The following DENND1A variants were observed in gnomAD, a reference collection of about 807,000 sequenced individuals.
DENND1A encodes DENN domain containing 1A.
Under a neutral mutation model 113.7 loss-of-function variants are expected in DENND1A, and 51 were observed. That is an observed-to-expected ratio of 0.45 (90% CI 0.36 to 0.57). The LOEUF (loss-of-function observed/expected upper bound fraction) is 0.57, where lower values mean the gene tolerates loss of function less well. Ranked by LOEUF, DENND1A falls within the 20% of genes least tolerant of loss-of-function variation. DENND1A has a pLI of 0.00. For synonymous variants in DENND1A, 565 were observed against 570.8 expected, an observed-to-expected ratio of 0.99 and a Z score of 0.14; for missense variants, 1,258 against 1,395.9, an observed-to-expected ratio of 0.90 and a Z score of 1.57.
chr9:123,874,992 GT>G (rs1847234569), intron 2 of DENND1A, among the ~76,000 whole-genome samples: 1 of 152,172 alleles, frequency 6.6e-6, no homozygotes, highest in Admixed American at 6.5e-5. Flanking sequence ...AACTTCAAAG[GT>G]CAACAGTAGA....
chr9:123,681,490 G>A (rs1451690627), intron 5 of DENND1A, among the ~76,000 whole-genome samples: 1 of 152,106 alleles, frequency 6.6e-6, no homozygotes, highest in Non-Finnish European at 1.5e-5. Context: ...GAAGGGGGCT[G>A]CAGCAGAGGG....
chr9:123,758,259 A>G (rs988591031), intron 4 of DENND1A, among the ~76,000 whole-genome samples: 1 of 152,236 alleles, frequency 6.6e-6, no homozygotes, highest in African/African-American at 2.4e-5. Context: ...GCTGCTAACA[A>G]TCCTCACCTG....
At chr9:123,923,691 C>T (rs1331747937) in intron 1 of DENND1A, among the ~76,000 whole-genome samples, 3 of 152,156 alleles carry the variant, frequency 2.0e-5, no homozygotes, top group African/African-American at 7.2e-5. Context: ...ACTTGTCTTC[C>T]TTTGGTAATC....
chr9:123,381,905 C>G lies in DENND1A; in HGVS notation c.2740G>C (p.Gly914Arg), dbSNP rs768095751. 5 of 441,120 alleles carry G rather than the reference C, an allele frequency of 1.1e-5. No homozygotes were observed. The highest frequency in any genetic ancestry group is 8.3e-5 in the Admixed American group (1 of 12,098). The allele number at this position is 441,120 out of a possible 1,614,324, so 27.3% of individuals were successfully genotyped here. The part of the protein sequence containing the change: ...PTLPLVSTPA[G>R]PFGAPPASLG... ...GAAGCTGGAGGGGCCCCGAAAGGCC[C>G]GGCTGGTGTGGAGACCAGGGGCAGG... Residue 914 changes from glycine (G) to arginine (R), a missense_variant, in exon 24 of 24, where the codon GGG (glycine) becomes CGG (arginine). By Grantham distance (125) the Gly-to-Arg change is moderately radical (BLOSUM62 -2). Transcript: ENST00000394215. The surrounding 1 kb of genome is among the most constrained non-coding windows in gnomAD (Gnocchi z 4.7).
intron 12 of DENND1A, among the ~76,000 whole-genome samples, chr9:123,578,112 C>A (rs1352086339): frequency 6.6e-6 from 1 of 152,216 alleles, no homozygotes; most frequent in Non-Finnish European, 1.5e-5. Context: ...AGCTCTTCAG[C>A]TGAGTAGCTC....
chr9:123,616,173 A>G (rs1227612080), intron 10 of DENND1A, among the ~76,000 whole-genome samples: 1 of 152,136 alleles, frequency 6.6e-6, no homozygotes, highest in South Asian at 2.1e-4. Flanking sequence ...CAGGTGATCC[A>G]CCTGCCTCGG....
chr9:123,403,521 A>G, intron 20 of DENND1A, 31 bp from the exon 21 acceptor site: 2 of 1,600,740 alleles, frequency 1.2e-6, no homozygotes, highest in Non-Finnish European at 1.7e-6. Context: ...GAGCCCCAAG[A>G]AGGAGTGAGT....
intron 1 of DENND1A, among the ~76,000 whole-genome samples, chr9:123,929,407 TGGCCAC>T (rs1384794103): frequency 1.3e-5 from 2 of 152,132 alleles, no homozygotes; most frequent in Non-Finnish European, 2.9e-5. Context: ...ACACCTTAGG[TGGCCAC>T]ACCATGAGCG....
chr9:123,495,103 T>A (rs2051749241), intron 13 of DENND1A, among the ~76,000 whole-genome samples: 2 of 148,070 alleles, frequency 1.4e-5, no homozygotes, highest in Non-Finnish European at 3.0e-5. Flanking sequence ...TTTGTACTTC[T>A]CTTGTATGTC....
chr9:123,877,011 T>C (rs772071731), intron 2 of DENND1A, among the ~76,000 whole-genome samples: 20 of 152,040 alleles, frequency 1.3e-4, no homozygotes, highest in Non-Finnish European at 2.4e-4. Context: ...CACGTGGTCA[T>C]AGAGTGTGGA....
At chr9:123,611,091 A>C (rs1439452144) in intron 10 of DENND1A, among the ~76,000 whole-genome samples, 1 of 152,238 alleles carries the variant, frequency 6.6e-6, no homozygotes, top group Non-Finnish European at 1.5e-5. Context: ...CAGTTTGCTA[A>C]CTATTCTAGA....
intron 13 of DENND1A, among the ~76,000 whole-genome samples, chr9:123,479,508 T>C (rs1037698716): frequency 1.3e-5 from 2 of 152,240 alleles, no homozygotes; most frequent in African/African-American, 2.4e-5. Flanking sequence ...CCCTGAAAGA[T>C]AGCCTGGAAT....
In DENND1A at chr9:123,848,868, T is replaced by A. The variant is rs533189836; in HGVS notation, c.88+30083A>T. Among the ~76,000 whole-genome samples, 3 of 152,310 alleles carry A rather than the reference T, an allele frequency of 2.0e-5. No individual in the cohort carries two copies. The East Asian group carries it at 5.8e-4, about 29-fold the overall frequency. ...GGACAGATCAAACCAGCCACAACAT[T>A]CCCTTACACAAAAGCCTGATCCACA... is the stretch of plus-strand genomic sequence containing the variant. On this transcript the variant is annotated intron_variant, in intron 2 of 23. Transcript: ENST00000394215.
At chr9:123,848,253 A>AC (rs1411233934) in intron 2 of DENND1A, among the ~76,000 whole-genome samples, 2 of 145,808 alleles carry the variant, frequency 1.4e-5, no homozygotes, top group African/African-American at 4.9e-5. Flanking sequence ...AAAAAAAAAA[A>AC]AAAACAAATT....
intron 13 of DENND1A, among the ~76,000 whole-genome samples, chr9:123,495,857 G>C (rs1291288594): frequency 6.6e-6 from 1 of 152,210 alleles, no homozygotes; most frequent in Admixed American, 6.5e-5. Flanking sequence ...TTGTTCCTTA[G>C]CGGTATACAT....
chr9:123,679,858 C>A (rs2064326711), intron 5 of DENND1A, among the ~76,000 whole-genome samples: 1 of 152,162 alleles, frequency 6.6e-6, no homozygotes, highest in South Asian at 2.1e-4. Flanking sequence ...CACTGCACCA[C>A]CTTGGACATC....
At chr9:123,857,427 G>A (rs1465537732) in intron 2 of DENND1A, among the ~76,000 whole-genome samples, 2 of 152,242 alleles carry the variant, frequency 1.3e-5, no homozygotes, top group East Asian at 3.9e-4. Context: ...ATGAGAAATG[G>A]AATATTTACA....
At chr9:123,411,153 G>C (rs1044709204) in intron 20 of DENND1A, 2 of 151,986 alleles carry the variant, frequency 1.3e-5, no homozygotes, top group African/African-American at 4.8e-5. Flanking sequence ...GAGTGCAGTG[G>C]TGCAATCATA....
intron 13 of DENND1A, among the ~76,000 whole-genome samples, chr9:123,464,994 CAA>C (rs10655282): frequency 1.2e-3 from 87 of 70,558 alleles, no homozygotes; most frequent in Middle Eastern, 0.01. Context: ...ACTAAAAATA[CAA>C]AAAAAAAAAA....
Sources: gnomAD v4.1 joint callset for allele counts (sites outside exome capture counted in the v4.1 genomes callset) on GRCh38, gnomAD v4.1.1 for gene constraint, Gnocchi (gnomAD v3.1) non-coding constraint, MANE v1.5 for transcripts, NCBI Gene and HGNC (gene_info 2026-07-23, HGNC 2026-07-21) for gene names.